Variants in CCDC192 observed in about 807,000 individuals in gnomAD.
CCDC192 encodes coiled-coil domain containing 192.
chr5:127,831,768 TC>T lies in CCDC192; in HGVS notation c.411+33608del, dbSNP rs540690770. ...CATACACACATATGTACACACATAC[TC>T]CTGATTAACATATGATCTTTAAATA... is the stretch of plus-strand genomic sequence containing the variant. On this transcript the variant is annotated intron_variant, in intron 5 of 6. Coordinates refer to ENST00000514853, the MANE Select transcript of CCDC192 (RefSeq NM_001317938.2). Among the ~76,000 whole-genome samples the T allele has an allele frequency of 2.6e-5, 4 of 152,068 alleles. No individual in the cohort carries two copies. In the South Asian group the frequency reaches 8.3e-4, roughly 32 times the overall value.
intron 6 of CCDC192, among the ~76,000 whole-genome samples, chr5:127,884,058 C>T (rs1048900013): frequency 6.6e-6 from 1 of 152,046 alleles, no homozygotes; most frequent in African/African-American, 2.4e-5. Context: ...AGAACCACTT[C>T]CCCGTTCTTT....
intron 5 of CCDC192, among the ~76,000 whole-genome samples, chr5:127,806,956 G>A (rs1472867519): frequency 6.6e-6 from 1 of 152,318 alleles, no homozygotes; most frequent in East Asian, 1.9e-4. Flanking sequence ...CAGAGAGGAA[G>A]ACAGCATTGG....
intron 6 of CCDC192, among the ~76,000 whole-genome samples, chr5:127,904,275 C>T (rs893548259): frequency 1.3e-5 from 2 of 152,090 alleles, no homozygotes; most frequent in Admixed American, 6.6e-5. Context: ...GATTTTAGCC[C>T]GGTGAAACCT....
At chr5:127,776,921 T>A (rs1288136271) in intron 3 of CCDC192, among the ~76,000 whole-genome samples, 1 of 152,242 alleles carries the variant, frequency 6.6e-6, no homozygotes, top group Non-Finnish European at 1.5e-5. Flanking sequence ...AATGCCTGGA[T>A]GTCCAGGAAG....
At chr5:127,715,312 T>C (rs1483883000) in intron 2 of CCDC192, among the ~76,000 whole-genome samples, 1 of 152,218 alleles carries the variant, frequency 6.6e-6, no homozygotes, top group African/African-American at 2.4e-5. Flanking sequence ...TTGGAAGAGA[T>C]AGGAGACTAG....
chr5:127,737,031 A>G (rs1051871607), intron 2 of CCDC192, among the ~76,000 whole-genome samples: 1 of 150,612 alleles, frequency 6.6e-6, no homozygotes, highest in Non-Finnish European at 1.5e-5. Flanking sequence ...TAGGGTGTCA[A>G]TTTTGGATCT....
chr5:127,818,009 G>A (rs17164647), intron 5 of CCDC192, among the ~76,000 whole-genome samples: 3,087 of 152,046 alleles, frequency 0.02, 112 homozygotes, highest in African/African-American at 0.071. Flanking sequence ...GAAAATATCC[G>A]TAAAAATAGT....
intron 5 of CCDC192, among the ~76,000 whole-genome samples, chr5:127,800,974 C>T (rs779103756): frequency 6.6e-6 from 1 of 152,110 alleles, no homozygotes; most frequent in East Asian, 1.9e-4. Context: ...CAGAGCCCCC[C>T]ACAACCCCAC....
chr5:127,933,096 A>G (rs1019418809), intron 6 of CCDC192, among the ~76,000 whole-genome samples: 1 of 152,140 alleles, frequency 6.6e-6, no homozygotes, highest in African/African-American at 2.4e-5. Context: ...CAGCAGTGAG[A>G]ATTGTGGAAA....
chr5:127,846,182 G>A (rs965474902), intron 5 of CCDC192, among the ~76,000 whole-genome samples: 15 of 151,826 alleles, frequency 9.9e-5, no homozygotes, highest in Middle Eastern at 3.4e-3. Context: ...CCAGCTACTC[G>A]GGAGGCTAAG....
intron 5 of CCDC192, among the ~76,000 whole-genome samples, chr5:127,853,798 AAAAC>A (rs1366222454): frequency 6.6e-6 from 1 of 152,034 alleles, no homozygotes; most frequent in Non-Finnish European, 1.5e-5. Context: ...AAACAAACAA[AAAAC>A]AAACAAAAAA....
intron 1 of CCDC192, among the ~76,000 whole-genome samples, chr5:127,704,265 T>A (rs1421223329): frequency 9.5e-6 from 1 of 105,544 alleles, no homozygotes; most frequent in Non-Finnish European, 2.1e-5. Context: ...CTTGGCTCAC[T>A]GCAACTTCTG....
At chr5:127,724,524 G>A (rs991167140) in intron 2 of CCDC192, among the ~76,000 whole-genome samples, 5 of 151,982 alleles carry the variant, frequency 3.3e-5, no homozygotes, top group African/African-American at 9.7e-5. Flanking sequence ...AAATCCAAAT[G>A]TACTAAATGG....
intron 6 of CCDC192, among the ~76,000 whole-genome samples, chr5:127,907,391 T>C (rs1370005400): frequency 6.6e-6 from 1 of 152,176 alleles, no homozygotes; most frequent in Non-Finnish European, 1.5e-5. Flanking sequence ...TCAAGTAATT[T>C]ACATTGAAAA....
At chr5:127,908,352 C>A (rs941862209) in intron 6 of CCDC192, among the ~76,000 whole-genome samples, 21 of 152,264 alleles carry the variant, frequency 1.4e-4, no homozygotes, top group Admixed American at 4.6e-4. Context: ...TCTACAGGTT[C>A]TTACTCAGAA....
At position 127,754,263 on chromosome 5, in the gene CCDC192, TA is replaced by T; in HGVS notation, c.115-2del. 2 of 397,014 alleles carry T rather than the reference TA, an allele frequency of 5.0e-6. No individual in the cohort carries two copies. Among genetic ancestry groups the T allele is most frequent in the Non-Finnish European group, 8.9e-6 (2 of 224,916 alleles). 24.6% of individuals were successfully genotyped at this position (397,014 alleles called of 1,614,324 possible). On this transcript the variant is annotated splice_region_variant and splice_polypyrimidine_tract_variant and intron_variant, in intron 2 of 6. Transcript: ENST00000514853. Reference sequence around the variant, plus strand: ...AAGTAATACTTGATTTTTTTTTTTTTAAAGAAAGCGTCCCTGGATACTGGAC... The same window carrying T: ...AAGTAATACTTGATTTTTTTTTTTTTAAGAAAGCGTCCCTGGATACTGGAC...
chr5:127,856,450 G>T (rs1012592746), intron 5 of CCDC192, among the ~76,000 whole-genome samples: 3 of 152,138 alleles, frequency 2.0e-5, no homozygotes, highest in Non-Finnish European at 2.9e-5. Context: ...TCAGCAACAG[G>T]GTTGGTTTGC....
chr5:127,924,216 T>C (rs1022803182), intron 6 of CCDC192, among the ~76,000 whole-genome samples: 1 of 152,232 alleles, frequency 6.6e-6, no homozygotes, highest in Non-Finnish European at 1.5e-5. Flanking sequence ...GTTTAAGTGG[T>C]TTGAAGAACT....
At chr5:127,760,225 A>G (rs1754833762) in intron 3 of CCDC192, among the ~76,000 whole-genome samples, 1 of 151,782 alleles carries the variant, frequency 6.6e-6, no homozygotes, top group Non-Finnish European at 1.5e-5. Context: ...TCCACCTTAA[A>G]GAACTGAGGG....
Sources: gnomAD v4.1 joint callset for allele counts (sites outside exome capture counted in the v4.1 genomes callset) on GRCh38, gnomAD v4.1.1 for gene constraint, MANE v1.5 for transcripts, NCBI Gene and HGNC (gene_info 2026-07-23, HGNC 2026-07-21) for gene names.